The following BBS10 variants were observed in gnomAD, a reference collection of about 807,000 sequenced individuals.
BBS10 encodes the protein BBSome complex assembly protein BBS10.
In BBS10, 13 loss-of-function variants were observed where a neutral mutation model predicts 12.7. The ratio of observed to expected loss-of-function variants is 1.03; its 90% CI spans 0.67 to 1.63. The LOEUF is 1.63. Among genes scored for constraint, BBS10 ranks in the 40% most tolerant of loss-of-function variants. The pLI is 0.00. For synonymous variants in BBS10, 294 were observed against 304.8 expected (o/e 0.96, Z 0.37); for missense variants, 858 against 858.0 (o/e 1.00, Z 0.00).
chr12:76,348,392 A>C lies in BBS10; in HGVS notation c.-34T>G. On this transcript the variant is annotated 5_prime_UTR_variant, in exon 1 of 2. Coordinates refer to ENST00000650064, the MANE Select transcript of BBS10 (RefSeq NM_024685.4). Reference sequence around the variant, plus strand: ...CGCTTCCCCTTTTTGACCAGCTTGCAGAACACCCGGGCCGACCGAAAACAG... The same window carrying C: ...CGCTTCCCCTTTTTGACCAGCTTGCCGAACACCCGGGCCGACCGAAAACAG... 6 of 1,550,596 alleles carry C rather than the reference A, an allele frequency of 3.9e-6. No individual in the cohort carries two copies. Among genetic ancestry groups the C allele is most frequent in the Non-Finnish European group, 5.2e-6 (6 of 1,149,020 alleles).
Position 76,347,148 on chromosome 12 carries a change from T to C in BBS10, c.837A>G (p.Ser279=), listed in dbSNP as rs2136090820. ...ATTGAGATGTCTGAAACTGTGCTTC[T>C]GAATTTAGAATAAACTCTGATCCAG... ...STSGSEFILN[S]EAQFQTSQFW... is the part of the protein sequence containing the mutation. The change falls in exon 2 of 2, where the codon TCA becomes TCG. Residue 279 remains serine, a synonymous_variant. Transcript: ENST00000650064. 2 of 1,611,636 alleles carry C rather than the reference T, an allele frequency of 1.2e-6. No individual in the cohort carries two copies. The highest frequency in any genetic ancestry group is 1.7e-6 in the Non-Finnish European group (2 of 1,179,984).
In BBS10 at chr12:76,346,195, C is replaced by A. The variant is rs1264836197; in HGVS notation, c.1790G>T (p.Gly597Val). The A allele has an allele frequency of 6.2e-7, 1 of 1,611,776 alleles. No homozygotes were observed. The highest frequency in any genetic ancestry group is 1.7e-5 in the Admixed American group (1 of 59,704). ...ATTACCACCTACTGGCAAAACACAA[C>A]CAGCTGGCATAGATGAGGAAAGGTA... ...QSYLSSSMPA[G>V]CVLPVGGNFE... The change falls in exon 2 of 2, where the codon GGT (glycine) becomes GTT (valine). Residue 597 changes from glycine to valine, a missense_variant. Transcript: ENST00000650064.
intron 1 of BBS10, 149 bp from the exon 2 acceptor site, chr12:76,347,936 C>G (rs1484957550): frequency 9.3e-7 from 1 of 1,075,432 alleles, no homozygotes; most frequent in Non-Finnish European, 1.3e-6. Context: ...AAACTCTGCT[C>G]TATTCCAAGA....
Position 76,346,834 on chromosome 12 carries a change from A to C in BBS10, c.1151T>G (p.Leu384Arg). Residue 384 changes from leucine (L) to arginine (R), a missense_variant, in exon 2 of 2, where the codon CTA (leucine) becomes CGA (arginine). Transcript: ENST00000650064. Reference protein sequence around the residue: ...LILRSKRYVHLGLISTCAFIP... With the variant: ...LILRSKRYVHRGLISTCAFIP... ...AAATGCACATGTGCTTATCAAGCCT[A>C]GATGAACATATCTTTTGGATCTAAG... 1 of 1,614,156 alleles carries C rather than the reference A, an allele frequency of 6.2e-7. No homozygotes were observed. The highest frequency in any genetic ancestry group is 1.1e-5 in the South Asian group (1 of 91,086).
At position 76,347,785 on chromosome 12, in the gene BBS10, A is replaced by G; in HGVS notation, c.200T>C (p.Met67Thr). 6.2e-7 allele frequency: 1 copy of G among 1,600,666 alleles called. No individual in the cohort carries two copies. ...ALHLEHPIAR[M>T]IVDCVSSHLK... Reference sequence around the variant, plus strand: ...ATGACTGGAAACACAGTCCACTATCATCCTGTACAAAAAAGAAATAAAGCA... The same window carrying G: ...ATGACTGGAAACACAGTCCACTATCGTCCTGTACAAAAAAGAAATAAAGCA... The change falls in exon 2 of 2, where the codon ATG (methionine) becomes ACG (threonine). Residue 67 changes from methionine (M) to threonine (T), a missense_variant and splice_region_variant. Met to Thr is a moderately conservative substitution (Grantham distance 81). Coordinates refer to ENST00000650064, the MANE Select transcript of BBS10 (RefSeq NM_024685.4).
Position 76,345,721 on chromosome 12 carries a change from T to C in BBS10, c.*92A>G, listed in dbSNP as rs879362665. The C allele has an allele frequency of 5.7e-5, 67 of 1,167,420 alleles. No individual in the cohort carries two copies. The highest frequency in any genetic ancestry group is 2.8e-4 in the Middle Eastern group (1 of 3,628). 72.3% of individuals were successfully genotyped at this position (1,167,420 alleles called of 1,614,324 possible). On this transcript the variant is annotated 3_prime_UTR_variant, in exon 2 of 2. Coordinates refer to ENST00000650064, the MANE Select transcript of BBS10 (RefSeq NM_024685.4). Reference sequence around the variant, plus strand: ...TTTAAAGTTACGCTATTTTCCTAAGTAGACTGAACTGACTTTAGAACCAGT... The same window carrying C: ...TTTAAAGTTACGCTATTTTCCTAAGCAGACTGAACTGACTTTAGAACCAGT...
In BBS10 at chr12:76,347,473, T is replaced by G; in HGVS notation, c.512A>C (p.Glu171Ala). ...KERTLCRSSL[E>A]LLLEAYFCGR... ...ACAAAAGTATGCTTCTAAGAGCAAC[T>G]CTAAAGAGCTCCTACACAATGTTCT... is the stretch of plus-strand genomic sequence containing the variant. Residue 171 changes from glutamate (E) to alanine (A), a missense_variant, in exon 2 of 2, where the codon GAG becomes GCG. Physicochemically the swap from Glu to Ala is moderately radical, Grantham distance 107. Coordinates refer to ENST00000650064, the MANE Select transcript of BBS10 (RefSeq NM_024685.4). 1 of 1,613,784 alleles carries G rather than the reference T, an allele frequency of 6.2e-7. No individual in the cohort carries two copies. Among genetic ancestry groups the G allele is most frequent in the South Asian group, 1.1e-5 (1 of 91,066 alleles).
rs749395064 is a variant in BBS10 at position 76,346,081 on chromosome 12, T to C, written c.1904A>G (p.Asn635Ser). ...GACTTTGGGAATGCCTAAAAGTGCA[T>C]TAGCTATTATCATACTAACCATGGT... Reference protein sequence around the residue: ...EETMVSMIIANALLGIPKVLY... With the variant: ...EETMVSMIIASALLGIPKVLY... Residue 635 changes from asparagine to serine, a missense_variant, in exon 2 of 2, where the codon AAT becomes AGT. Coordinates refer to ENST00000650064, the MANE Select transcript of BBS10 (RefSeq NM_024685.4). 2 of 1,613,362 alleles carry C rather than the reference T, an allele frequency of 1.2e-6. No individual in the cohort carries two copies. The highest frequency in any genetic ancestry group is 1.7e-6 in the Non-Finnish European group (2 of 1,179,880).
In BBS10 at chr12:76,346,784, C is replaced by A; in HGVS notation, c.1201G>T (p.Gly401Ter). The A allele has an allele frequency of 6.2e-7, 1 of 1,614,112 alleles. No individual in the cohort carries two copies. Among genetic ancestry groups the A allele is most frequent in the Non-Finnish European group, 8.5e-7 (1 of 1,179,988 alleles). Residue 401 changes from glycine to a stop codon, truncating the protein, a stop_gained, in exon 2 of 2, where the codon GGA becomes TGA. Transcript: ENST00000650064. LOFTEE classifies it low-confidence loss of function (END_TRUNC). ...TGTTCAATGAGACCATGCACTGGTC[C>A]ACAAAGAACTATAGAGTGTGGTATA... ...AFIPHSIVLCGPVHGLIEQHE... is the reference protein window; with the variant it reads ...AFIPHSIVLC
Position 76,345,761 on chromosome 12 carries a change from T to C in BBS10, c.*52A>G. ...TTAGAACCAGTGGTCACATGACTGC[T>C]TTACTTGGCTTGAGTTAGATGAAAA... On this transcript the variant is annotated 3_prime_UTR_variant, in exon 2 of 2. Transcript: ENST00000650064. 2 of 1,520,772 alleles carry C rather than the reference T, an allele frequency of 1.3e-6. No individual in the cohort carries two copies. Among genetic ancestry groups the C allele is most frequent in the South Asian group, 2.3e-5 (2 of 87,478 alleles). The allele number at this position is 1,520,772 out of a possible 1,614,324, so 94.2% of individuals were successfully genotyped here.
intron 1 of BBS10, 35 bp from the exon 2 acceptor site, chr12:76,347,822 G>C (rs773736250): frequency 1.3e-6 from 2 of 1,592,722 alleles, no homozygotes; most frequent in Admixed American, 1.7e-5. Flanking sequence ...CTCATTTTCA[G>C]AAGGCTGGCT....
chr12:76,344,563 T>C lies in BBS10; in HGVS notation c.*1250A>G, dbSNP rs182439491. The C allele has an allele frequency of 1.3e-4, 20 of 152,318 alleles. No homozygotes were observed. Among genetic ancestry groups the C allele is most frequent in the Non-Finnish European group, 2.4e-4 (16 of 68,012 alleles). The allele number at this position is 152,318 out of a possible 1,614,324, so 9.4% of individuals were successfully genotyped here. On this transcript the variant is annotated 3_prime_UTR_variant, in exon 2 of 2. Coordinates refer to ENST00000650064, the MANE Select transcript of BBS10 (RefSeq NM_024685.4). ...TTCACAGAAACAAAATAATGCATCA[T>C]ATAGCATAAATGTTTAAAAAATCAG... is the stretch of plus-strand genomic sequence containing the variant.
rs541724800 is a variant in BBS10, at chr12:76,345,054, C to T, written c.*759G>A. 1 of 152,128 alleles carries T rather than the reference C, an allele frequency of 6.6e-6. No homozygotes were observed. The highest frequency in any genetic ancestry group is 2.4e-5 in the African/African-American group (1 of 41,440). The allele number at this position is 152,128 out of a possible 1,614,324, so 9.4% of individuals were successfully genotyped here. A position where few individuals can be genotyped will look rare whatever the true frequency, so the allele number is the denominator to read the frequency against. On this transcript the variant is annotated 3_prime_UTR_variant, in exon 2 of 2. Transcript: ENST00000650064. Reference sequence around the variant, plus strand: ...CCAGTAAATACATGACATATCCTTACAAGCTCTTGGGGTCAGGAGAAAATC... The same window carrying T: ...CCAGTAAATACATGACATATCCTTATAAGCTCTTGGGGTCAGGAGAAAATC...
At position 76,345,964 on chromosome 12, in the gene BBS10, C is replaced by G. The variant is rs1180136732; in HGVS notation, c.2021G>C (p.Ser674Thr). The G allele has an allele frequency of 6.2e-7, 1 of 1,614,056 alleles. No individual in the cohort carries two copies. The highest frequency in any genetic ancestry group is 8.5e-7 in the Non-Finnish European group (1 of 1,179,936). Reference sequence around the variant, plus strand: ...CATTACTGATTCCAAACCTGTCTGACTGCTTACCAAGGGTTGATTGGTTTG... The same window carrying G: ...CATTACTGATTCCAAACCTGTCTGAGTGCTTACCAAGGGTTGATTGGTTTG... ...ALQTNQPLVS[S>T]QTGLESVMGK... Residue 674 changes from serine to threonine, a missense_variant, in exon 2 of 2, where the codon AGT (serine) becomes ACT (threonine). Transcript: ENST00000650064.
At position 76,347,434 on chromosome 12, in the gene BBS10, C is replaced by A; in HGVS notation, c.551G>T (p.Arg184Ile). The A allele has an allele frequency of 6.2e-7, 1 of 1,613,778 alleles. No homozygotes were observed. The highest frequency in any genetic ancestry group is 1.6e-4 in the Middle Eastern group (1 of 6,062). Reference sequence around the variant, plus strand: ...CTGTGAAATAAATTTATGATTATTTCTTCCCACTCTTCCACAAAAGTATGC... The same window carrying A: ...CTGTGAAATAAATTTATGATTATTTATTCCCACTCTTCCACAAAAGTATGC... ...LEAYFCGRVG[R>I]NNHKFISQLM... The change falls in exon 2 of 2, where the codon AGA (arginine) becomes ATA (isoleucine). Residue 184 changes from arginine to isoleucine, a missense_variant. Arg to Ile is a moderately conservative substitution (Grantham distance 97). Coordinates refer to ENST00000650064, the MANE Select transcript of BBS10 (RefSeq NM_024685.4).
chr12:76,347,990 G>T (rs956424991), intron 1 of BBS10, among the ~76,000 whole-genome samples, 172 bp downstream of exon 1: 5 of 152,166 alleles, frequency 3.3e-5, no homozygotes, highest in Non-Finnish European at 7.3e-5. Flanking sequence ...TTGAGAATTG[G>T]TAAGATTTGG....
Position 76,345,887 on chromosome 12 carries a change from T to C in BBS10, c.2098A>G (p.Thr700Ala). 6.2e-7 allele frequency: 1 copy of C among 1,613,822 alleles called. No individual in the cohort carries two copies. The highest frequency in any genetic ancestry group is 1.1e-5 in the South Asian group (1 of 91,082). ...TTAACAGTGATTACCATGTCAATGG[T>C]TAATATTTTTGTCAAACACTGAAGA... ...SVLQCLTKIL[T>A]IDMVITVKRH... The change falls in exon 2 of 2, where the codon ACC (threonine) becomes GCC (alanine). Residue 700 changes from threonine to alanine, a missense_variant. Physicochemically the swap from Thr to Ala is moderately conservative, Grantham distance 58 (BLOSUM62 0). Coordinates refer to ENST00000650064, the MANE Select transcript of BBS10 (RefSeq NM_024685.4).
In BBS10 at chr12:76,344,749, A is replaced by G. The variant is rs1472219792; in HGVS notation, c.*1064T>C. 1 of 152,218 alleles carries G rather than the reference A, an allele frequency of 6.6e-6. No homozygotes were observed. Among genetic ancestry groups the G allele is most frequent in the Non-Finnish European group, 1.5e-5 (1 of 68,026 alleles). 9.4% of individuals were successfully genotyped at this position (152,218 alleles called of 1,614,324 possible). A position where few individuals can be genotyped will look rare whatever the true frequency, so the allele number is the denominator to read the frequency against. On this transcript the variant is annotated 3_prime_UTR_variant, in exon 2 of 2. Coordinates refer to ENST00000650064, the MANE Select transcript of BBS10 (RefSeq NM_024685.4). ...ATGTATTTAAAGGAATGAATTAAAG[A>G]TAACACTGTTTTGTTCAACAAGCAC...
chr12:76,346,616 C>G lies in BBS10; in HGVS notation c.1369G>C (p.Ala457Pro). The G allele has an allele frequency of 6.2e-7, 1 of 1,614,102 alleles. No individual in the cohort carries two copies. The change falls in exon 2 of 2, where the codon GCA (alanine) becomes CCA (proline). Residue 457 changes from alanine to proline, a missense_variant. Physicochemically the swap from Ala to Pro is conservative, Grantham distance 27. Transcript: ENST00000650064. Reference sequence around the variant, plus strand: ...ATTGAGCCATTACCAGGATCTGGTGCTTGATAACTTTCTCCACTGTTCTTA... The same window carrying G: ...ATTGAGCCATTACCAGGATCTGGTGGTTGATAACTTTCTCCACTGTTCTTA... ...IYKNSGESYQ[A>P]PDPGNGSIQR... is the part of the protein sequence containing the mutation.
Sources: gnomAD v4.1 joint callset for allele counts (sites outside exome capture counted in the v4.1 genomes callset) on GRCh38, gnomAD v4.1.1 for gene constraint, MANE v1.5 for transcripts, NCBI Gene and HGNC (gene_info 2026-07-23, HGNC 2026-07-21) for gene names.